Variants in THRAP3 observed in about 807,000 individuals in gnomAD.
THRAP3 encodes thyroid hormone receptor-associated protein 3.
THRAP3 carries 16 observed loss-of-function variants against 101.0 expected under a neutral mutation model. That is an observed-to-expected ratio of 0.16 (90% CI 0.11 to 0.24). The LOEUF (loss-of-function observed/expected upper bound fraction) is 0.24. Among genes scored for constraint, THRAP3 ranks in the 10% least tolerant of loss-of-function variants. The pLI, the probability that THRAP3 is intolerant of heterozygous loss-of-function variation, is 1.00. For synonymous variants in THRAP3, 407 were observed against 422.6 expected (o/e 0.96, Z 0.45); for missense variants, 989 against 1,202.7 (o/e 0.82, Z 2.63).
chr1:36,234,920 TCTC>T (rs910256794), intron 1 of THRAP3, among the ~76,000 whole-genome samples: 21 of 150,736 alleles, frequency 1.4e-4, no homozygotes, highest in African/African-American at 4.6e-4. Flanking sequence ...TTCAAGCAAT[TCTC>T]CTGCCTCAGC....
At chr1:36,303,081 G>A (rs1314876265) in intron 11 of THRAP3, among the ~76,000 whole-genome samples, 3 of 151,422 alleles carry the variant, frequency 2.0e-5, no homozygotes, top group Non-Finnish European at 4.4e-5. Flanking sequence ...GAGTAGCTGG[G>A]ACTACAGGCG....
chr1:36,299,319 A>T (rs1415210703), intron 9 of THRAP3, among the ~76,000 whole-genome samples: 1 of 151,576 alleles, frequency 6.6e-6, no homozygotes, highest in Non-Finnish European at 1.5e-5. Flanking sequence ...GGTGCCTGTA[A>T]TCCCCACTGC....
chr1:36,298,847 G>A (rs574722225), intron 9 of THRAP3, among the ~76,000 whole-genome samples: 6 of 152,122 alleles, frequency 3.9e-5, no homozygotes, highest in Non-Finnish European at 5.9e-5. Flanking sequence ...AGGCTGGAGC[G>A]CAGTGATGCA....
intron 11 of THRAP3, among the ~76,000 whole-genome samples, chr1:36,302,688 G>GC (rs1198735894): frequency 3.3e-5 from 5 of 152,246 alleles, no homozygotes; most frequent in East Asian, 3.9e-4. Flanking sequence ...TTTGTGGGGG[G>GC]GTGGTTTAGA....
At chr1:36,274,074 TGTCACACA>T (rs1176664247) in intron 2 of THRAP3, among the ~76,000 whole-genome samples, 1,869 of 126,000 alleles carry the variant, frequency 0.015, 13 homozygotes, top group East Asian at 0.048. Flanking sequence ...TGTGTGTGTG[TGTCACACA>T]CACACACACA....
At chr1:36,294,274 C>T (rs951441776) in intron 8 of THRAP3, 1 of 1,003,670 alleles carries the variant, frequency 1.0e-6, no homozygotes, top group Non-Finnish European at 1.2e-6. Context: ...TATACATGCA[C>T]TATTTCCAAC....
rs547939340 is a variant in THRAP3, at chr1:36,267,907, C to T, written c.-32+8423C>T. Among the ~76,000 whole-genome samples, 2 of 48,184 alleles carry T rather than the reference C, an allele frequency of 4.2e-5. 1 individual carries two copies. Among genetic ancestry groups the T allele is most frequent in the African/African-American group, 8.0e-5 (2 of 25,062 alleles). The allele number at this position is 48,184 out of a possible 152,430, so 31.6% of individuals were successfully genotyped here. ...GAAAGGAATTACCCTAGGCCGGGCACGGTGACTCACGCCTGTAATCCTAGT... is the reference window on the plus strand; with the variant it reads ...GAAAGGAATTACCCTAGGCCGGGCATGGTGACTCACGCCTGTAATCCTAGT... On this transcript the variant is annotated intron_variant, in intron 2 of 11. Coordinates refer to ENST00000354618, the MANE Select transcript of THRAP3 (RefSeq NM_005119.4).
rs1186192568 is a variant in THRAP3 at position 36,291,386 on chromosome 1, A to T, written c.1758A>T (p.Leu586Phe). The change falls in exon 6 of 12, where the codon TTA (leucine) becomes TTT (phenylalanine). Residue 586 changes from leucine to phenylalanine, a missense_variant. Coordinates refer to ENST00000354618, the MANE Select transcript of THRAP3 (RefSeq NM_005119.4). ...ATTTCTTTTTCAGACCCAGTGGCTTATTGGCTCAGGAACGCAAGCTTTGCC... is the reference window on the plus strand; with the variant it reads ...ATTTCTTTTTCAGACCCAGTGGCTTTTTGGCTCAGGAACGCAAGCTTTGCC... ...FDEDLARPSG[L>F]LAQERKLCRD... The T allele has an allele frequency of 6.2e-7, 1 of 1,613,772 alleles. No individual in the cohort carries two copies. The highest frequency in any genetic ancestry group is 1.1e-5 in the South Asian group (1 of 91,026).
At chr1:36,228,957 G>A (rs7552131) in intron 1 of THRAP3, among the ~76,000 whole-genome samples, 147,020 of 152,166 alleles carry the variant, frequency 0.97, 71,265 homozygotes, top group Middle Eastern at 1. Context: ...CTATGATTGC[G>A]GCACTGCACT....
the THRAP3 span, among the ~76,000 whole-genome samples, chr1:36,217,910 C>G: frequency 6.6e-6 from 1 of 152,152 alleles, no homozygotes; most frequent in Admixed American, 6.6e-5. Context: ...AATAACCCTA[C>G]AAAACGCTAC....
chr1:36,304,383 T>A lies in THRAP3; in HGVS notation c.*366T>A, dbSNP rs1386716253. 8.3e-6 allele frequency: 2 copies of A among 240,224 alleles called. No individual in the cohort carries two copies. Among genetic ancestry groups the A allele is most frequent in the African/African-American group, 2.2e-5 (1 of 45,430 alleles). 14.9% of individuals were successfully genotyped at this position (240,224 alleles called of 1,614,324 possible). A position where few individuals can be genotyped will look rare whatever the true frequency, so the allele number is the denominator to read the frequency against. ...GTTCTAATTTCATTTCATTTGGAGC[T>A]AAGATGACTAATTTGATGATTTTCG... On this transcript the variant is annotated 3_prime_UTR_variant, in exon 12 of 12. Transcript: ENST00000354618.
At chr1:36,277,475 C>T (rs1645675832) in intron 2 of THRAP3, among the ~76,000 whole-genome samples, 2 of 151,950 alleles carry the variant, frequency 1.3e-5, no homozygotes, top group South Asian at 4.1e-4. Context: ...GCTGGGATTA[C>T]AAGTGTGAAC....
intron 8 of THRAP3, 134 bp downstream of exon 8, chr1:36,294,069 A>G: frequency 1.4e-6 from 2 of 1,468,572 alleles, no homozygotes; most frequent in Non-Finnish European, 1.8e-6. Context: ...AATTCTAAAA[A>G]TGAACTACAA....
intron 2 of THRAP3, among the ~76,000 whole-genome samples, chr1:36,273,390 A>G (rs1201388818): frequency 4.6e-5 from 7 of 152,202 alleles, no homozygotes; most frequent in Admixed American, 3.3e-4. Context: ...CCTTCTCATT[A>G]TAAAAATAGT....
chr1:36,293,941 C>G lies in THRAP3; in HGVS notation c.2115+6C>G. The G allele has an allele frequency of 6.2e-7, 1 of 1,612,474 alleles. No individual in the cohort carries two copies. The highest frequency in any genetic ancestry group is 1.3e-5 in the African/African-American group (1 of 74,990). ...CCCGGGAACCTGGCTACAAGGTGAA[C>G]TGTTGATTTGATCAGTAATTCCAAC... is the stretch of plus-strand genomic sequence containing the variant. On this transcript the variant is annotated splice_donor_region_variant and intron_variant, in intron 8 of 11. Transcript: ENST00000354618.
chr1:36,251,480 C>CTTCT (rs879301299), intron 1 of THRAP3, among the ~76,000 whole-genome samples: 1 of 152,132 alleles, frequency 6.6e-6, no homozygotes, highest in Admixed American at 6.5e-5. Context: ...CCTTGAGGCA[C>CTTCT]AGAATGATAG....
Position 36,259,370 on chromosome 1 carries a change from C to G in THRAP3, c.-134-12C>G, listed in dbSNP as rs550427392. The G allele has an allele frequency of 1.3e-5, 5 of 398,548 alleles. No homozygotes were observed. The South Asian group carries it at 5.1e-4, about 41-fold the overall frequency. 24.7% of individuals were successfully genotyped at this position (398,548 alleles called of 1,614,324 possible). The stretch of plus-strand genomic sequence containing the variant: ...TAGCCATTTTATCACTACTTATTTT[C>G]TCTCATTTCAGAAGTGTATGCTGAC... On this transcript the variant is annotated splice_polypyrimidine_tract_variant and intron_variant, in intron 1 of 11. Transcript: ENST00000354618.
At chr1:36,270,062 A>C (rs1447825541) in intron 2 of THRAP3, among the ~76,000 whole-genome samples, 1 of 152,224 alleles carries the variant, frequency 6.6e-6, no homozygotes, top group Non-Finnish European at 1.5e-5. Context: ...TGTTCTTTCT[A>C]CTTTTGTGTA....
intron 1 of THRAP3, among the ~76,000 whole-genome samples, chr1:36,256,920 T>C (rs1329783018): frequency 1.3e-5 from 2 of 152,078 alleles, no homozygotes; most frequent in Admixed American, 1.3e-4. Context: ...CTCAGCCTCC[T>C]GAGTAGCTGG....
Sources: gnomAD v4.1 joint callset for allele counts (sites outside exome capture counted in the v4.1 genomes callset) on GRCh38, gnomAD v4.1.1 for gene constraint, MANE v1.5 for transcripts, NCBI Gene and HGNC (gene_info 2026-07-23, HGNC 2026-07-21) for gene names.